IGF1: variants seen among roughly 807,000 people sequenced by gnomAD.
IGF1 encodes the protein insulin like growth factor 1, also known as insulin-like growth factor 1.
A neutral mutation model predicts 13.8 loss-of-function variants in IGF1; 4 were observed. That is an observed-to-expected ratio of 0.29 (90% CI 0.14 to 0.66). IGF1 has a LOEUF of 0.66. Ranked by LOEUF, IGF1 falls within the 30% of genes least tolerant of loss-of-function variation. The probability of loss-of-function intolerance (pLI) is 0.78; values close to 1 mark genes in which losing one functional copy is unlikely to be tolerated. For synonymous variants in IGF1, 76 were observed against 72.6 expected, an observed-to-expected ratio of 1.05 and a Z score of -0.23; for missense variants, 124 against 188.5, an observed-to-expected ratio of 0.66 and a Z score of 2.00.
rs1678384962 is a variant in IGF1 at position 102,397,417 on chromosome 12, AG to A, written c.*5089del. The A allele has an allele frequency of 6.6e-6, 1 of 152,158 alleles. No homozygotes were observed. Among genetic ancestry groups the A allele is most frequent in the Non-Finnish European group, 1.5e-5 (1 of 68,026 alleles). 9.4% of individuals were successfully genotyped at this position (152,158 alleles called of 1,614,324 possible). On this transcript the variant is annotated 3_prime_UTR_variant, in exon 4 of 4. Coordinates refer to ENST00000337514, the MANE Select transcript of IGF1 (RefSeq NM_000618.5). ...GTGAGAGGTTTCTTTAAAAAACAAA[AG>A]CATTGTTCCAGATAGGAATTGGTTA... is the stretch of plus-strand genomic sequence containing the variant.
chr12:102,430,458 A>G (rs1876638898), intron 2 of IGF1, among the ~76,000 whole-genome samples: 1 of 152,186 alleles, frequency 6.6e-6, no homozygotes. Context: ...CCCTCAAGGT[A>G]TTGTAGCAGC....
intron 2 of IGF1, among the ~76,000 whole-genome samples, chr12:102,423,531 A>G (rs1386462564): frequency 1.3e-5 from 2 of 152,314 alleles, no homozygotes; most frequent in East Asian, 3.9e-4. Context: ...CAAGTTGGCC[A>G]CCACCTATCC....
chr12:102,465,339 G>A (rs1218888242), intron 2 of IGF1, among the ~76,000 whole-genome samples: 2 of 152,138 alleles, frequency 1.3e-5, no homozygotes, highest in African/African-American at 2.4e-5. Flanking sequence ...CTACAGCTGA[G>A]CCTCAGAACA....
At chr12:102,464,636 T>C (rs1273144165) in intron 2 of IGF1, among the ~76,000 whole-genome samples, 1 of 151,846 alleles carries the variant, frequency 6.6e-6, no homozygotes, top group Non-Finnish European at 1.5e-5. Context: ...GTTGTGTCTC[T>C]GGGAGCCATG....
chr12:102,408,003 C>A (rs1458604200), intron 3 of IGF1, among the ~76,000 whole-genome samples: 2 of 152,086 alleles, frequency 1.3e-5, no homozygotes, highest in Admixed American at 1.3e-4. Context: ...CCATCTCCAC[C>A]CACTCCAAAC....
At chr12:102,471,268 T>G (rs1232333944) in intron 2 of IGF1, among the ~76,000 whole-genome samples, 15 of 152,186 alleles carry the variant, frequency 9.9e-5, no homozygotes. Flanking sequence ...ACCAGAGCTT[T>G]GTTAAATACA....
At chr12:102,436,490 C>T (rs1877229806) in intron 2 of IGF1, among the ~76,000 whole-genome samples, 1 of 152,150 alleles carries the variant, frequency 6.6e-6, no homozygotes, top group Admixed American at 6.5e-5. Flanking sequence ...CCTTCCTATG[C>T]CTTTGCCCTA....
At chr12:102,478,423 T>C in intron 1 of IGF1, 1 of 1,128,618 alleles carries the variant, frequency 8.9e-7, no homozygotes, top group East Asian at 2.6e-5. Flanking sequence ...TGATTCCAGA[T>C]GTCTGGGCCA....
At chr12:102,431,055 C>T (rs1052522619) in intron 2 of IGF1, among the ~76,000 whole-genome samples, 3 of 152,186 alleles carry the variant, frequency 2.0e-5, no homozygotes, top group Admixed American at 1.3e-4. Flanking sequence ...CCAGCCTTCT[C>T]ATCTCCCCCA....
chr12:102,410,437 T>C (rs1227236991), intron 3 of IGF1, among the ~76,000 whole-genome samples: 1 of 152,212 alleles, frequency 6.6e-6, no homozygotes, highest in Non-Finnish European at 1.5e-5. Flanking sequence ...AAGGTTCAAA[T>C]GTGGTATTTT....
chr12:102,432,680 T>G (rs1035137120), intron 2 of IGF1, among the ~76,000 whole-genome samples: 2 of 152,166 alleles, frequency 1.3e-5, no homozygotes, highest in African/African-American at 2.4e-5. Context: ...AACCAAGACT[T>G]GAGTTTGGCA....
At chr12:102,478,541 GTAT>G in intron 1 of IGF1, 1 of 1,609,226 alleles carries the variant, frequency 6.2e-7, no homozygotes, top group Non-Finnish European at 8.5e-7. Context: ...GTCAGGGTGG[GTAT>G]TATGAGGCCG....
chr12:102,457,473 A>G (rs1352197489), intron 2 of IGF1, among the ~76,000 whole-genome samples: 2 of 152,210 alleles, frequency 1.3e-5, no homozygotes, highest in East Asian at 3.8e-4. Context: ...TAAGCTTTTC[A>G]TCAACTCAAA....
intron 1 of IGF1, among the ~76,000 whole-genome samples, chr12:102,476,270 A>G (rs986181678): frequency 6.6e-6 from 1 of 152,172 alleles, no homozygotes; most frequent in Non-Finnish European, 1.5e-5. Flanking sequence ...TGGTATATGC[A>G]TTCATTATTG....
chr12:102,478,390 T>C, intron 1 of IGF1: 1 of 721,358 alleles, frequency 1.4e-6, no homozygotes, highest in Non-Finnish European at 2.0e-6. Flanking sequence ...TTTTTTTTAA[T>C]CTTAGATAAA....
rs1482232929 is a variant in IGF1, at chr12:102,400,260, G to A, written c.*2247C>T. 6.6e-6 allele frequency: 1 copy of A among 151,858 alleles called. No homozygotes were observed. Among genetic ancestry groups the A allele is most frequent in the African/African-American group, 2.4e-5 (1 of 41,318 alleles). The allele number at this position is 151,858 out of a possible 1,614,324, so 9.4% of individuals were successfully genotyped here. The stretch of plus-strand genomic sequence containing the variant: ...TATAGAATTTGCATGAAATAATCAA[G>A]CCTGGGTACTTTTAACCAAAAAGTT... On this transcript the variant is annotated 3_prime_UTR_variant, in exon 4 of 4. Transcript: ENST00000337514.
Position 102,426,545 on chromosome 12 carries a change from A to C in IGF1, c.221-6855T>G, listed in dbSNP as rs142685113. On this transcript the variant is annotated intron_variant, in intron 2 of 3. Transcript: ENST00000337514. ...AAATGAAAGGCTGTTCTCTTGAAAG[A>C]ATGTCCAAACTTTATGTTGTATAGA... Among the ~76,000 whole-genome samples the C allele has an allele frequency of 6.9e-4, 105 of 152,330 alleles. 1 individual carries two copies. The East Asian group carries it at 0.018, about 25-fold the overall frequency.
chr12:102,463,695 A>G (rs1390009338), intron 2 of IGF1, among the ~76,000 whole-genome samples: 1 of 152,246 alleles, frequency 6.6e-6, no homozygotes, highest in Non-Finnish European at 1.5e-5. Flanking sequence ...CCAGAAGAAT[A>G]TGACATAGCA....
intron 2 of IGF1, among the ~76,000 whole-genome samples, chr12:102,436,927 A>T (rs1161693119): frequency 6.6e-6 from 1 of 152,218 alleles, no homozygotes; most frequent in African/African-American, 2.4e-5. Context: ...CAAAGGCAGG[A>T]AATCCATATT....
Sources: allele counts gnomAD v4.1 joint callset (sites outside exome capture counted in the v4.1 genomes callset), GRCh38; gene constraint gnomAD v4.1.1; transcripts MANE v1.5; gene names NCBI Gene and HGNC (gene_info 2026-07-23, HGNC 2026-07-21).